DCC: variants seen among roughly 807,000 people sequenced by gnomAD.
The protein encoded by DCC is DCC netrin 1 receptor.
Under a neutral mutation model 172.5 loss-of-function variants are expected in DCC, and 58 were observed. The observed-to-expected ratio is 0.34, with a 90% CI of 0.27 to 0.42. The LOEUF (loss-of-function observed/expected upper bound fraction) is 0.42, where lower values mean the gene tolerates loss of function less well. Among genes scored for constraint, DCC ranks in the 10% least tolerant of loss-of-function variants. The pLI, the probability that DCC is intolerant of heterozygous loss-of-function variation, is 1.00. For synonymous variants in DCC, 709 were observed against 644.5 expected (o/e 1.10, Z -1.52); for missense variants, 1,740 against 1,791.0 (o/e 0.97, Z 0.51).
At chr18:52,662,909 AAGAGCAC>A (rs2035389367) in intron 1 of DCC, among the ~76,000 whole-genome samples, 1 of 152,124 alleles carries the variant, frequency 6.6e-6, no homozygotes, top group Non-Finnish European at 1.5e-5. Flanking sequence ...TTTATTTTAT[AAGAGCAC>A]TGGTCCCATT....
intron 1 of DCC, among the ~76,000 whole-genome samples, chr18:52,430,142 C>T (rs1047538650): frequency 2.0e-5 from 3 of 152,076 alleles, no homozygotes; most frequent in Non-Finnish European, 4.4e-5. Context: ...AAGAGACACC[C>T]AATCTACATT....
intron 5 of DCC, among the ~76,000 whole-genome samples, chr18:52,961,977 A>G (rs1164418079): frequency 6.6e-6 from 1 of 152,216 alleles, no homozygotes; most frequent in African/African-American, 2.4e-5. Flanking sequence ...TTAAAGACTT[A>G]AATGTTAGAC....
chr18:52,352,865 C>T (rs1010228125), intron 1 of DCC, among the ~76,000 whole-genome samples: 1 of 152,156 alleles, frequency 6.6e-6, no homozygotes, highest in Non-Finnish European at 1.5e-5. Context: ...GGAATCAAGG[C>T]ATTTGCATCA....
intron 15 of DCC, among the ~76,000 whole-genome samples, chr18:53,353,239 A>G (rs1599055842): frequency 6.6e-6 from 1 of 150,928 alleles, no homozygotes; most frequent in Non-Finnish European, 1.5e-5. Context: ...ACGCCATTGC[A>G]CTCCAGCATG....
intron 12 of DCC, among the ~76,000 whole-genome samples, chr18:53,228,051 A>C (rs1448687620): frequency 6.6e-6 from 1 of 152,170 alleles, no homozygotes; most frequent in Admixed American, 6.5e-5. Flanking sequence ...AAATGTTGCA[A>C]AGAATATATA....
intron 12 of DCC, among the ~76,000 whole-genome samples, chr18:53,283,387 C>T (rs2056895702): frequency 6.6e-6 from 1 of 152,046 alleles, no homozygotes; most frequent in African/African-American, 2.4e-5. Flanking sequence ...CCCTATTTCT[C>T]TCTCTCTTTC....
intron 7 of DCC, among the ~76,000 whole-genome samples, chr18:53,104,324 A>G (rs754010876): frequency 3.3e-5 from 5 of 152,024 alleles, no homozygotes; most frequent in Admixed American, 6.6e-5. Flanking sequence ...TAATTGAATC[A>G]TGGGGCAGGT....
At chr18:53,215,432 C>T (rs965137662) in intron 11 of DCC, 116 bp from the exon 12 acceptor site, 3 of 861,210 alleles carry the variant, frequency 3.5e-6, no homozygotes, top group Non-Finnish European at 2.0e-6. Flanking sequence ...GGTTAACCTA[C>T]CTAATTATCA....
intron 13 of DCC, among the ~76,000 whole-genome samples, chr18:53,320,892 A>G (rs1382360168): frequency 6.6e-6 from 1 of 152,186 alleles, no homozygotes; most frequent in Non-Finnish European, 1.5e-5. Flanking sequence ...ATTTTATAAA[A>G]TTAGAAGCTT....
Position 53,168,002 on chromosome 18 carries a change from A to T in DCC, c.1418+10490A>T, listed in dbSNP as rs117680310. On this transcript the variant is annotated intron_variant, in intron 8 of 28. Transcript: ENST00000442544. ...CATTGAGAAATGCAAATCAAATCAA[A>T]ACCAAAATAAGATACCATCTCATGC... 3.9e-5 allele frequency among the ~76,000 whole-genome samples: 6 copies of T among 152,192 alleles called. No individual in the cohort carries two copies. In the South Asian group the frequency reaches 6.2e-4, roughly 16 times the overall value.
chr18:53,180,152 A>T (rs1305262751), intron 9 of DCC, among the ~76,000 whole-genome samples: 2 of 152,204 alleles, frequency 1.3e-5, no homozygotes, highest in Non-Finnish European at 2.9e-5. Context: ...TAAATCAGCA[A>T]GTCGAAGAAG....
intron 5 of DCC, among the ~76,000 whole-genome samples, chr18:52,928,912 G>A (rs922786336): frequency 6.6e-6 from 1 of 152,110 alleles, no homozygotes; most frequent in Admixed American, 6.6e-5. Flanking sequence ...CCCACTGCTT[G>A]GTGGCTGGTG....
Position 53,281,861 on chromosome 18 carries a change from C to T in DCC, c.1912-23717C>T, listed in dbSNP as rs867144218. Among the ~76,000 whole-genome samples, 4 of 148,506 alleles carry T rather than the reference C, an allele frequency of 2.7e-5. No individual in the cohort carries two copies. In the Middle Eastern group the frequency reaches 0.011, roughly 398 times the overall value. On this transcript the variant is annotated intron_variant, in intron 12 of 28. Coordinates refer to ENST00000442544, the MANE Select transcript of DCC (RefSeq NM_005215.4). ...GCAATAGAATTCTCCAAAAGATATA[C>T]ATCCGATTATTACACAAAGATAGAA...
At chr18:53,038,629 A>G (rs2042126573) in intron 5 of DCC, among the ~76,000 whole-genome samples, 1 of 151,904 alleles carries the variant, frequency 6.6e-6, no homozygotes, top group South Asian at 2.1e-4. Flanking sequence ...GCTGAGACCC[A>G]GAATAGGTGA....
chr18:53,324,987 G>A (rs1399305943), intron 14 of DCC, among the ~76,000 whole-genome samples: 1 of 151,960 alleles, frequency 6.6e-6, no homozygotes, highest in Non-Finnish European at 1.5e-5. Flanking sequence ...GAGGTCAGGA[G>A]TTCAAGACCA....
intron 1 of DCC, among the ~76,000 whole-genome samples, chr18:52,664,966 C>T (rs1430265016): frequency 1.3e-5 from 2 of 152,188 alleles, no homozygotes; most frequent in Non-Finnish European, 2.9e-5. Context: ...TCTGCAATCT[C>T]CTCACCAAAT....
intron 1 of DCC, among the ~76,000 whole-genome samples, chr18:52,712,104 G>A (rs1599039068): frequency 6.6e-6 from 1 of 152,174 alleles, no homozygotes; most frequent in Non-Finnish European, 1.5e-5. Context: ...GGGACTACAG[G>A]CACACACCAC....
chr18:52,423,079 T>A (rs903483805), intron 1 of DCC, among the ~76,000 whole-genome samples: 2 of 152,164 alleles, frequency 1.3e-5, no homozygotes, highest in Admixed American at 6.5e-5. Flanking sequence ...ACACCTGGAT[T>A]CATTCACCTA....
At chr18:53,386,745 G>C (rs1354271398) in intron 16 of DCC, among the ~76,000 whole-genome samples, 1 of 152,138 alleles carries the variant, frequency 6.6e-6, no homozygotes, top group African/African-American at 2.4e-5. Context: ...CTGTTAGTTG[G>C]ACTGTAAAGG....
Sources: gnomAD v4.1 joint callset for allele counts (sites outside exome capture counted in the v4.1 genomes callset) on GRCh38, gnomAD v4.1.1 for gene constraint, MANE v1.5 for transcripts, NCBI Gene and HGNC (gene_info 2026-07-23, HGNC 2026-07-21) for gene names.